NLGN1: variants seen among roughly 807,000 people sequenced by gnomAD.
NLGN1 encodes the protein neuroligin 1.
In NLGN1, 12 loss-of-function variants were observed where a neutral mutation model predicts 65.5. That is an observed-to-expected ratio of 0.18 (90% CI 0.12 to 0.30). NLGN1 has a LOEUF of 0.30. Among genes scored for constraint, NLGN1 ranks in the 10% least tolerant of loss-of-function variants. NLGN1 has a pLI of 1.00. For missense variants in NLGN1, 750 were observed against 1,007.1 expected (o/e 0.74, Z 3.46); for synonymous variants, 350 against 359.5 (o/e 0.97, Z 0.30).
At chr3:173,401,403 C>T (rs1055609861) in intron 1 of NLGN1, among the ~76,000 whole-genome samples, 1 of 150,586 alleles carries the variant, frequency 6.6e-6, no homozygotes. Context: ...TTGTTTTTTT[C>T]CCTGCATTAT....
chr3:174,178,694 AT>A (rs879863427), intron 4 of NLGN1, among the ~76,000 whole-genome samples: 78 of 151,938 alleles, frequency 5.1e-4, no homozygotes, highest in Middle Eastern at 3.4e-3. Flanking sequence ...TCTCCTGTGT[AT>A]TTTTTTTCCA....
chr3:173,655,733 A>T (rs932815469), intron 3 of NLGN1, among the ~76,000 whole-genome samples: 2 of 147,184 alleles, frequency 1.4e-5, no homozygotes, highest in Non-Finnish European at 3.0e-5. Context: ...TTAAAAATTC[A>T]TGTATAATAA....
intron 3 of NLGN1, among the ~76,000 whole-genome samples, chr3:173,708,384 T>G (rs191452291): frequency 6.6e-6 from 1 of 152,280 alleles, no homozygotes; most frequent in Non-Finnish European, 1.5e-5. Flanking sequence ...CGGGGAATCC[T>G]GTGCTCCACC....
At chr3:173,840,303 T>C (rs1233132127) in intron 4 of NLGN1, among the ~76,000 whole-genome samples, 2 of 152,210 alleles carry the variant, frequency 1.3e-5, no homozygotes, top group Non-Finnish European at 2.9e-5. Context: ...TGGACTACCA[T>C]AAAATTATCA....
chr3:173,882,907 G>A (rs533634371), intron 4 of NLGN1, among the ~76,000 whole-genome samples: 21 of 150,874 alleles, frequency 1.4e-4, no homozygotes, highest in African/African-American at 4.9e-4. Context: ...TCTAGGTTTT[G>A]ATTAAAGTGA....
At chr3:173,680,791 A>G (rs1763841957) in intron 3 of NLGN1, among the ~76,000 whole-genome samples, 1 of 152,146 alleles carries the variant, frequency 6.6e-6, no homozygotes, top group South Asian at 2.1e-4. Flanking sequence ...GGTATATACA[A>G]TATTTATTTG....
chr3:174,091,096 A>G (rs1368679363), intron 4 of NLGN1, among the ~76,000 whole-genome samples: 1 of 152,184 alleles, frequency 6.6e-6, no homozygotes, highest in Non-Finnish European at 1.5e-5. Flanking sequence ...TTCCCAGGGC[A>G]GTGATTGATT....
rs547810759 is a variant in NLGN1, at chr3:173,813,855, G to T, written c.646+6023G>T. On this transcript the variant is annotated intron_variant, in intron 4 of 6. Coordinates refer to ENST00000457714, the Ensembl canonical transcript of NLGN1. ...GTTTCTCTTACATTGTACTACAGAA[G>T]AATTTATCATATGGGTTGTATTTCT... Among the ~76,000 whole-genome samples, 7 of 152,274 alleles carry T rather than the reference G, an allele frequency of 4.6e-5. No homozygotes were observed. In the East Asian group the frequency reaches 1.4e-3, roughly 29 times the overall value.
chr3:173,521,588 C>T (rs1734769071), intron 2 of NLGN1, among the ~76,000 whole-genome samples: 1 of 152,104 alleles, frequency 6.6e-6, no homozygotes, highest in African/African-American at 2.4e-5. Flanking sequence ...TTTTCTGATC[C>T]TCCTAGTTAT....
intron 2 of NLGN1, among the ~76,000 whole-genome samples, chr3:173,556,547 A>T (rs1498640): frequency 6.6e-6 from 1 of 151,872 alleles, no homozygotes; most frequent in Non-Finnish European, 1.5e-5. Flanking sequence ...GGGTACAGTG[A>T]CTTATGCCTG....
chr3:173,567,529 A>G (rs937438888), intron 2 of NLGN1, among the ~76,000 whole-genome samples: 5 of 151,870 alleles, frequency 3.3e-5, no homozygotes, highest in African/African-American at 1.2e-4. Flanking sequence ...ATATATTTTT[A>G]TATAATTGAA....
intron 1 of NLGN1, among the ~76,000 whole-genome samples, chr3:173,405,846 G>A (rs985838002): frequency 6.6e-6 from 1 of 151,950 alleles, no homozygotes; most frequent in Non-Finnish European, 1.5e-5. Flanking sequence ...TTTTTCAAAT[G>A]TATGTTTAGG....
chr3:173,867,377 T>C (rs1356568423), intron 4 of NLGN1, among the ~76,000 whole-genome samples: 4 of 152,172 alleles, frequency 2.6e-5, no homozygotes, highest in Non-Finnish European at 5.9e-5. Flanking sequence ...TTTAGAATGA[T>C]TTGCATAAGG....
intron 2 of NLGN1, among the ~76,000 whole-genome samples, chr3:173,539,787 T>C (rs1228875202): frequency 2.1e-5 from 2 of 97,136 alleles, no homozygotes; most frequent in Non-Finnish European, 4.0e-5. Flanking sequence ...CATATATATG[T>C]ACATATATAC....
chr3:173,824,815 G>T (rs895317019), intron 4 of NLGN1, among the ~76,000 whole-genome samples: 3 of 151,996 alleles, frequency 2.0e-5, no homozygotes, highest in Non-Finnish European at 4.4e-5. Context: ...ATGATTTAGT[G>T]ACGTTGTGTA....
chr3:173,676,110 TA>T (rs1435060299), intron 3 of NLGN1, among the ~76,000 whole-genome samples: 4 of 151,928 alleles, frequency 2.6e-5, no homozygotes, highest in East Asian at 3.9e-4. Flanking sequence ...AATGTCAGAA[TA>T]AAAAAGTTAA....
chr3:173,940,384 C>T (rs912488452), intron 4 of NLGN1, among the ~76,000 whole-genome samples: 9 of 152,014 alleles, frequency 5.9e-5, no homozygotes, highest in Non-Finnish European at 1.0e-4. Flanking sequence ...CTACCATGCC[C>T]GGCCTCAAAT....
chr3:173,634,357 T>C (rs1203997837), intron 3 of NLGN1, among the ~76,000 whole-genome samples: 2 of 152,086 alleles, frequency 1.3e-5, no homozygotes, highest in Non-Finnish European at 2.9e-5. Flanking sequence ...CCCAATCTCA[T>C]CCAAAATATA....
In NLGN1 at chr3:174,188,351, A is replaced by G. The variant is rs116608918; in HGVS notation, c.647-86964A>G. Among the ~76,000 whole-genome samples, 607 of 152,118 alleles carry G rather than the reference A, an allele frequency of 4.0e-3. 4 individuals are homozygous for G. Among genetic ancestry groups the G allele is most frequent in the African/African-American group, 0.014 (578 of 41,554 alleles). On this transcript the variant is annotated intron_variant, in intron 4 of 6. Coordinates refer to ENST00000457714, the Ensembl canonical transcript of NLGN1. Reference sequence around the variant, plus strand: ...ATGAAAAAGTATAAAATAATAACCAATAATAGTAAAAATCATAACATTGAT... The same window carrying G: ...ATGAAAAAGTATAAAATAATAACCAGTAATAGTAAAAATCATAACATTGAT...
Sources: allele counts gnomAD v4.1 joint callset (sites outside exome capture counted in the v4.1 genomes callset), GRCh38; gene constraint gnomAD v4.1.1; transcripts MANE v1.5; gene names NCBI Gene and HGNC (gene_info 2026-07-23, HGNC 2026-07-21).